Variants in TENM1 observed in about 807,000 individuals in gnomAD.
TENM1 encodes the protein teneurin-1.
In TENM1, 35 loss-of-function variants were observed where a neutral mutation model predicts 174.8. The observed-to-expected ratio is 0.20, with a 90% confidence interval of 0.15 to 0.27. TENM1 has a LOEUF of 0.27. TENM1 is among the 10% of genes least tolerant of loss of function. The probability of loss-of-function intolerance (pLI) is 1.00; values close to 1 mark genes in which losing one functional copy is unlikely to be tolerated. For missense variants in TENM1, 1,633 were observed against 2,130.1 expected, an observed-to-expected ratio of 0.77 and a Z score of 4.59; for synonymous variants, 781 against 798.7, an observed-to-expected ratio of 0.98 and a Z score of 0.37.
At chrX:124,828,242 CTGATAT>C (rs970926897) in intron 3 of TENM1, among the ~76,000 whole-genome samples, 2 of 112,108 alleles carry the variant, frequency 1.8e-5, no homozygotes, top group African/African-American at 6.5e-5. Context: ...TCCTTCTGCT[CTGATAT>C]TAATACCTAA....
At chrX:124,710,586 A>C (rs935123374) in intron 4 of TENM1, among the ~76,000 whole-genome samples, 1 of 112,126 alleles carries the variant, frequency 8.9e-6, no homozygotes, top group Non-Finnish European at 1.9e-5. Context: ...ACACCAAAGG[A>C]TTTCCAAATG....
intron 19 of TENM1, 57 bp from the exon 23 acceptor site, chrX:124,497,322 C>G (rs967678771): frequency 1.8e-6 from 2 of 1,115,683 alleles, no homozygotes. Flanking sequence ...ACAAAATAAT[C>G]TCAGCAATAT....
At chrX:124,970,275 T>A in the TENM1 span, among the ~76,000 whole-genome samples, 1 of 111,595 alleles carries the variant, frequency 9.0e-6, no homozygotes, top group East Asian at 2.8e-4. Flanking sequence ...GTTTGGAACT[T>A]CCTCCAAATA....
chrX:125,184,318 T>C, the TENM1 span, among the ~76,000 whole-genome samples: 1 of 111,496 alleles, frequency 9.0e-6, no homozygotes, highest in Non-Finnish European at 1.9e-5. Context: ...GGCAGACTCA[T>C]AATTACCAAA....
At chrX:124,690,481 TAG>T (rs199736140) in intron 5 of TENM1, among the ~76,000 whole-genome samples, 1 of 84,771 alleles carries the variant, frequency 1.2e-5, no homozygotes, top group African/African-American at 5.0e-5. Flanking sequence ...CCTGCTTTGT[TAG>T]AGTGTGTGTG....
intron 3 of TENM1, among the ~76,000 whole-genome samples, chrX:124,756,587 T>G (rs1469128004): frequency 9.0e-6 from 1 of 111,270 alleles, no homozygotes; most frequent in East Asian, 2.8e-4. Context: ...AGTTTCCAGT[T>G]TTTCTGTTCT....
At chrX:124,652,430 ATAT>A (rs1329673074) in intron 7 of TENM1, among the ~76,000 whole-genome samples, 6 of 111,820 alleles carry the variant, frequency 5.4e-5, no homozygotes, top group Middle Eastern at 4.6e-3. Flanking sequence ...ACTCAAAAAC[ATAT>A]TATTAATTAT....
chrX:124,821,380 T>A (rs1164761620), intron 3 of TENM1, among the ~76,000 whole-genome samples: 1 of 111,948 alleles, frequency 8.9e-6, no homozygotes. Context: ...GGTAAGATGA[T>A]ATGGCACTTC....
chrX:125,041,405 C>T, the TENM1 span, among the ~76,000 whole-genome samples: 1 of 111,094 alleles, frequency 9.0e-6, no homozygotes, highest in African/African-American at 3.3e-5. Flanking sequence ...GCACAGAACC[C>T]CTAAGCTTCC....
chrX:125,129,074 A>C, the TENM1 span, among the ~76,000 whole-genome samples: 9 of 111,735 alleles, frequency 8.1e-5, no homozygotes, highest in Non-Finnish European at 1.5e-4. Flanking sequence ...TATACACACA[A>C]GCCCTAAGGA....
chrX:124,862,247 C>T (rs988901692), intron 3 of TENM1, among the ~76,000 whole-genome samples: 3 of 111,747 alleles, frequency 2.7e-5, no homozygotes, highest in African/African-American at 9.8e-5. Flanking sequence ...CATTGCCCCG[C>T]AAAAGGCACC....
At chrX:124,420,861 A>C (rs760961835) in intron 24 of TENM1, 40 bp from the exon 28 acceptor site, 48 of 1,152,136 alleles carry the variant, frequency 4.2e-5, no homozygotes, top group Non-Finnish European at 5.7e-5. Context: ...TGGCATCATA[A>C]GCATTTACAT....
chrX:124,983,628 G>A, the TENM1 span, among the ~76,000 whole-genome samples: 2 of 110,894 alleles, frequency 1.8e-5, no homozygotes, highest in South Asian at 7.6e-4. Flanking sequence ...TTTTGTTGTT[G>A]TTTGTTTTTT....
the TENM1 span, among the ~76,000 whole-genome samples, chrX:125,199,112 T>C: frequency 9.0e-6 from 1 of 111,532 alleles, no homozygotes; most frequent in Non-Finnish European, 1.9e-5. Context: ...TTTATTTTAT[T>C]TTTTCTTTCT....
intron 11 of TENM1, among the ~76,000 whole-genome samples, chrX:124,633,343 G>T (rs775243444): frequency 5.4e-5 from 6 of 111,293 alleles, no homozygotes; most frequent in Non-Finnish European, 1.1e-4. Flanking sequence ...ATATGTCTCT[G>T]GTTTGAAAAA....
chrX:124,619,095 T>TA (rs1351149360), intron 11 of TENM1, among the ~76,000 whole-genome samples: 2 of 111,196 alleles, frequency 1.8e-5, no homozygotes, highest in Non-Finnish European at 3.8e-5. Flanking sequence ...CAAAAATAAA[T>TA]AAAAAACAAA....
At chrX:124,769,597 A>T (rs867323949) in intron 3 of TENM1, among the ~76,000 whole-genome samples, 20 of 112,304 alleles carry the variant, frequency 1.8e-4, no homozygotes, top group Middle Eastern at 4.6e-3. Context: ...CAAAATACTG[A>T]TTAGCAATTA....
chrX:124,777,563 T>C (rs910099018), intron 3 of TENM1, among the ~76,000 whole-genome samples: 2 of 112,156 alleles, frequency 1.8e-5, no homozygotes, highest in Admixed American at 1.9e-4. Context: ...TTATTCAGTC[T>C]AGTATAAATT....
At chrX:124,451,881 T>G (rs911104381) in intron 23 of TENM1, among the ~76,000 whole-genome samples, 2 of 111,936 alleles carry the variant, frequency 1.8e-5, no homozygotes, top group African/African-American at 6.5e-5. Context: ...TCAAGATGGA[T>G]TAAAGACTTA....
Sources: allele counts gnomAD v4.1 joint callset (sites outside exome capture counted in the v4.1 genomes callset), GRCh38; gene constraint gnomAD v4.1.1; transcripts MANE v1.5; gene names NCBI Gene and HGNC (gene_info 2026-07-23, HGNC 2026-07-21).